Variants in FAM72D observed in about 807,000 individuals in gnomAD.
The protein encoded by FAM72D is protein FAM72D.
For synonymous variants in FAM72D, 4 were observed against 35.1 expected, an observed-to-expected ratio of 0.11 and a Z score of 3.13; for missense variants, 9 against 104.7, an observed-to-expected ratio of 0.09 and a Z score of 3.99.
At chr1:145,094,369 T>C (rs1183408451), upstream of FAM72D, among the ~76,000 whole-genome samples, 5 of 4,186 alleles carry the variant, frequency 1.2e-3, no homozygotes, top group Non-Finnish European at 2.2e-3. Context: ...CCTTTCTACT[T>C]GGTCTTTCCT....
At chr1:145,101,957 A>G (rs1654728630) in intron 2 of FAM72D, among the ~76,000 whole-genome samples, 1 of 110,798 alleles carries the variant, frequency 9.0e-6, no homozygotes, top group African/African-American at 4.3e-5. Flanking sequence ...AAGCTTGAAT[A>G]AGAATTTTTA....
chr1:145,097,119 T>C (rs1654500518), intron 1 of FAM72D, 120 bp downstream of exon 1: 1 of 1,491,944 alleles, frequency 6.7e-7, no homozygotes, highest in Non-Finnish European at 9.1e-7. Flanking sequence ...TCCCACCAGT[T>C]TGATGATCCC....
intron 1 of FAM72D, 82 bp downstream of exon 1, chr1:145,097,081 G>T: frequency 1.1e-6 from 1 of 901,494 alleles, no homozygotes; most frequent in South Asian, 1.6e-5. Flanking sequence ...AGTCAACAAG[G>T]AGGTTATCAT....
intron 2 of FAM72D, among the ~76,000 whole-genome samples, chr1:145,100,796 C>A (rs140348205): frequency 6.6e-6 from 1 of 150,846 alleles, no homozygotes; most frequent in South Asian, 2.1e-4. Flanking sequence ...CCAGCCCACC[C>A]GGCTAATTTT....
chr1:145,103,827 T>TA (rs1182434719), intron 3 of FAM72D, among the ~76,000 whole-genome samples: 1 of 150,032 alleles, frequency 6.7e-6, no homozygotes, highest in Non-Finnish European at 1.5e-5. Context: ...GCAGGACATT[T>TA]AAAAAACAAC....
chr1:145,105,782 G>A (rs1483811216), intron 3 of FAM72D, among the ~76,000 whole-genome samples: 12 of 148,048 alleles, frequency 8.1e-5, no homozygotes, highest in Admixed American at 3.3e-4. Context: ...GAGAAACCCC[G>A]TCTCTACTAA....
At chr1:145,097,032 T>C (rs1654496309) in intron 1 of FAM72D, 33 bp downstream of exon 1, 1 of 610,864 alleles carries the variant, frequency 1.6e-6, no homozygotes, top group Non-Finnish European at 2.8e-6. Context: ...AACGGTAGCT[T>C]TTAACTAAAT....
In FAM72D at chr1:145,112,166, G is replaced by GATATCTAACATCCT. The variant is rs1553638763; in HGVS notation, c.*569_*570insATATCTAACATCCT. ...ATAGAGGAATCCTCTTGATTGCTCA[G>GATATCTAACATCCT]CATGATGTTAGATAAATGAGTTTGT... On this transcript the variant is annotated 3_prime_UTR_variant, in exon 4 of 4. Transcript: ENST00000400889. 2.6e-5 allele frequency: 3 copies of GATATCTAACATCCT among 117,392 alleles called. No homozygotes were observed. Among genetic ancestry groups the GATATCTAACATCCT allele is most frequent in the African/African-American group, 1.0e-4 (3 of 29,802 alleles). The allele number at this position is 117,392 out of a possible 1,614,324, so 7.3% of individuals were successfully genotyped here.
chr1:145,107,587 T>C (rs1416656271), intron 3 of FAM72D, among the ~76,000 whole-genome samples: 7 of 86,572 alleles, frequency 8.1e-5, no homozygotes, highest in Admixed American at 1.3e-4. Context: ...TGAGATGGAG[T>C]CATTCTGTCA....
chr1:145,101,238 G>A (rs1466276334), intron 2 of FAM72D, among the ~76,000 whole-genome samples: 8 of 139,190 alleles, frequency 5.7e-5, no homozygotes, highest in Non-Finnish European at 9.2e-5. Context: ...CACCGCACCC[G>A]AAGAACAACA....
chr1:145,101,133 G>A (rs1360843437), intron 2 of FAM72D, among the ~76,000 whole-genome samples: 1 of 146,122 alleles, frequency 6.8e-6, no homozygotes. Context: ...GTAGAGGTGG[G>A]GTTTCGCCAT....
chr1:145,102,664 G>T (rs1163122992), intron 2 of FAM72D, among the ~76,000 whole-genome samples: 1 of 71,950 alleles, frequency 1.4e-5, no homozygotes, highest in Non-Finnish European at 2.9e-5. Context: ...CTATTCTGGA[G>T]GCTGAGGCAG....
intron 3 of FAM72D, among the ~76,000 whole-genome samples, chr1:145,107,414 T>G (rs1654974759): frequency 1.6e-5 from 2 of 126,498 alleles, no homozygotes; most frequent in Non-Finnish European, 3.3e-5. Context: ...TTTTTTTGTA[T>G]TTTTAGTAGA....
chr1:145,107,150 AAAAT>A (rs1654955874), intron 3 of FAM72D, among the ~76,000 whole-genome samples: 1 of 147,990 alleles, frequency 6.8e-6, no homozygotes, highest in African/African-American at 2.5e-5. Flanking sequence ...AAAAAAAAAA[AAAAT>A]TATTTTAGTA....
chr1:145,102,166 T>C (rs1654736836), intron 2 of FAM72D, among the ~76,000 whole-genome samples: 1 of 106,288 alleles, frequency 9.4e-6, no homozygotes, highest in African/African-American at 4.2e-5. Flanking sequence ...TGTAGATTGC[T>C]TTATTTCTGA....
intron 1 of FAM72D, among the ~76,000 whole-genome samples, 183 bp downstream of exon 1, chr1:145,097,182 C>T (rs1654505117): frequency 6.9e-6 from 1 of 144,460 alleles, no homozygotes; most frequent in Non-Finnish European, 1.5e-5. Context: ...ATGGTTTAGC[C>T]AAGGTGGTCA....
chr1:145,105,704 G>A (rs1212785547), intron 3 of FAM72D, among the ~76,000 whole-genome samples: 14 of 150,740 alleles, frequency 9.3e-5, no homozygotes, highest in African/African-American at 3.0e-4. Flanking sequence ...TGTAATCCCA[G>A]CAGTTTGGGA....
At chr1:145,102,562 T>A (rs1161923406) in intron 2 of FAM72D, among the ~76,000 whole-genome samples, 1 of 41,040 alleles carries the variant, frequency 2.4e-5, no homozygotes, top group Middle Eastern at 8.9e-3. Context: ...AGGTCAGGAG[T>A]TCGAGACCAG....
intron 3 of FAM72D, among the ~76,000 whole-genome samples, chr1:145,105,547 C>T (rs1381608953): frequency 7.2e-6 from 1 of 139,838 alleles, no homozygotes; most frequent in Non-Finnish European, 1.6e-5. Flanking sequence ...GTGGTACATG[C>T]CCAGCTACTT....
Sources: allele counts gnomAD v4.1 joint callset (sites outside exome capture counted in the v4.1 genomes callset), GRCh38; gene constraint gnomAD v4.1.1; transcripts MANE v1.5; gene names NCBI Gene and HGNC (gene_info 2026-07-23, HGNC 2026-07-21).